Variants in PLEKHB2 observed in about 807,000 individuals in gnomAD.
PLEKHB2 encodes the protein pleckstrin homology domain-containing family B member 2.
In PLEKHB2, 31 loss-of-function variants were observed where a neutral mutation model predicts 36.5. That is an observed-to-expected ratio of 0.85 (90% CI 0.64 to 1.15). The LOEUF (loss-of-function observed/expected upper bound fraction) is 1.15. PLEKHB2 is among the 50% of genes most tolerant of loss of function. The probability of loss-of-function intolerance (pLI) is 0.00; values close to 1 mark genes in which losing one functional copy is unlikely to be tolerated. For synonymous variants in PLEKHB2, 119 were observed against 112.0 expected (o/e 1.06, Z -0.39); for missense variants, 262 against 295.3 (o/e 0.89, Z 0.83).
chr2:131,121,228 A>C (rs975055598), intron 2 of PLEKHB2, among the ~76,000 whole-genome samples: 2 of 152,156 alleles, frequency 1.3e-5, no homozygotes, highest in Non-Finnish European at 2.9e-5. Context: ...CCTCACTAGC[A>C]TGCTTTACTT....
In PLEKHB2 at chr2:131,140,165, A is replaced by G; in HGVS notation, c.424-2A>G. The G allele has an allele frequency of 6.3e-6, 10 of 1,593,162 alleles. No homozygotes were observed. Among genetic ancestry groups the G allele is most frequent in the Non-Finnish European group, 7.7e-6 (9 of 1,165,284 alleles). ...ATTTCTAATGGGCCTGTTTCTTTTC[A>G]GCAGGCTTATGGCTATGGGCCATAC... On this transcript the variant is annotated splice_acceptor_variant, in intron 6 of 7. Transcript: ENST00000693505. LOFTEE classifies it high-confidence loss of function.
At chr2:131,126,583 T>A in intron 3 of PLEKHB2, 101 bp from the exon 4 acceptor site, 1 of 724,984 alleles carries the variant, frequency 1.4e-6, no homozygotes, top group Admixed American at 2.2e-5. Flanking sequence ...ATGTAGCACT[T>A]GATTTATTGT....
chr2:131,113,258 G>A (rs1695512813), intron 1 of PLEKHB2, among the ~76,000 whole-genome samples: 1 of 151,874 alleles, frequency 6.6e-6, no homozygotes, highest in African/African-American at 2.4e-5. Flanking sequence ...ATTTTTGTAT[G>A]GATGAGGTTT....
chr2:131,114,778 T>C (rs1695683654), intron 1 of PLEKHB2, among the ~76,000 whole-genome samples: 1 of 152,220 alleles, frequency 6.6e-6, no homozygotes, highest in Admixed American at 6.5e-5. Context: ...CTGGACCTTA[T>C]TGTCCATATC....
intron 2 of PLEKHB2, among the ~76,000 whole-genome samples, chr2:131,123,564 G>A (rs911413952): frequency 6.6e-6 from 1 of 152,110 alleles, no homozygotes; most frequent in Admixed American, 6.5e-5. Flanking sequence ...TTGCTTTGTC[G>A]CCCAGGCTGG....
chr2:131,113,173 C>G (rs1022945529), intron 1 of PLEKHB2, among the ~76,000 whole-genome samples: 3 of 152,154 alleles, frequency 2.0e-5, no homozygotes, highest in Non-Finnish European at 4.4e-5. Flanking sequence ...ACCTCCCCAT[C>G]CCAGGCTCAA....
chr2:131,130,287 C>G (rs1285609245), intron 4 of PLEKHB2, among the ~76,000 whole-genome samples: 1 of 151,816 alleles, frequency 6.6e-6, no homozygotes, highest in Non-Finnish European at 1.5e-5. Flanking sequence ...CAAGTGATCC[C>G]CCTGCCTTGG....
intron 1 of PLEKHB2, among the ~76,000 whole-genome samples, chr2:131,105,808 GTGTCCCACA>G (rs1459343763): frequency 7.9e-5 from 12 of 152,156 alleles, no homozygotes; most frequent in African/African-American, 2.9e-4. Flanking sequence ...CCGCTCGGGA[GTGTCCCACA>G]TGTCTGACTG....
intron 6 of PLEKHB2, among the ~76,000 whole-genome samples, chr2:131,135,118 C>T (rs1182264654): frequency 6.6e-6 from 1 of 152,024 alleles, no homozygotes; most frequent in Non-Finnish European, 1.5e-5. Context: ...ATTGCCCAGG[C>T]TGGAGTGCAG....
Position 131,125,898 on chromosome 2 carries a change from A to T in PLEKHB2, c.183A>T (p.Glu61Asp). The T allele has an allele frequency of 6.2e-7, 1 of 1,612,584 alleles. No individual in the cohort carries two copies. Among genetic ancestry groups the T allele is most frequent in the Non-Finnish European group, 8.5e-7 (1 of 1,179,606 alleles). Residue 61 changes from glutamate to aspartate, a missense_variant, in exon 3 of 8, where the codon GAA becomes GAT. Glu to Asp is a conservative substitution (Grantham distance 45, BLOSUM62 2). Coordinates refer to ENST00000693505, the MANE Select transcript of PLEKHB2 (RefSeq NM_001100623.2). ...GCATCAACATCCGCACGGGGCAGGA[A>T]TGTCGGGGTAAGCTGGCCTGTCTTG... ...MDCINIRTGQECRDTQPPDGK... is the reference protein window; with the variant it reads ...MDCINIRTGQDCRDTQPPDGK...
intron 6 of PLEKHB2, among the ~76,000 whole-genome samples, chr2:131,137,888 G>A (rs1698421692): frequency 6.6e-6 from 1 of 151,806 alleles, no homozygotes; most frequent in Non-Finnish European, 1.5e-5. Context: ...ATAGGCTTGG[G>A]GTTTTGCTAA....
chr2:131,128,591 A>G (rs919848034), intron 4 of PLEKHB2, among the ~76,000 whole-genome samples: 1 of 152,202 alleles, frequency 6.6e-6, no homozygotes, highest in African/African-American at 2.4e-5. Context: ...TCTGTAACTT[A>G]GAAGGTCTGT....
rs141503597 is a variant in PLEKHB2, at chr2:131,120,694, G to A, written c.-8-240G>A. The A allele has an allele frequency of 2.8e-3, 1,628 of 585,252 alleles. 2 individuals are homozygous for A. Among genetic ancestry groups the A allele is most frequent in the South Asian group, 3.7e-3 (193 of 51,768 alleles). The allele number at this position is 585,252 out of a possible 1,614,324, so 36.3% of individuals were successfully genotyped here. ...ATGTTTGTTGAGTGGTGTTAGACTC[G>A]GTCAGGTGGGCTGGGTGGTGAGGCT... On this transcript the variant is annotated intron_variant, in intron 1 of 7. Transcript: ENST00000693505.
At chr2:131,105,604 C>T (rs983883171) in intron 1 of PLEKHB2, among the ~76,000 whole-genome samples, 2 of 152,124 alleles carry the variant, frequency 1.3e-5, no homozygotes, top group African/African-American at 4.8e-5. Context: ...CCTGACCTTC[C>T]CCAGGTCCGC....
chr2:131,138,511 A>C (rs776020605), intron 6 of PLEKHB2, among the ~76,000 whole-genome samples: 1 of 152,142 alleles, frequency 6.6e-6, no homozygotes, highest in African/African-American at 2.4e-5. Context: ...CTCATGTTTT[A>C]GCAGACCTCC....
chr2:131,120,930 G>A lies in PLEKHB2; in HGVS notation c.-8-4G>A, dbSNP rs749246536. 6 of 1,614,138 alleles carry A rather than the reference G, an allele frequency of 3.7e-6. No individual in the cohort carries two copies. Among genetic ancestry groups the A allele is most frequent in the Non-Finnish European group, 5.1e-6 (6 of 1,179,928 alleles). On this transcript the variant is annotated splice_polypyrimidine_tract_variant and splice_region_variant and intron_variant, in intron 1 of 7. Coordinates refer to ENST00000693505, the MANE Select transcript of PLEKHB2 (RefSeq NM_001100623.2). The stretch of plus-strand genomic sequence containing the variant: ...TTTTGAACCTGCCTGTTTTTGTTCT[G>A]TAGGTGAAGAGATGGCGTTTGTGAA...
At chr2:131,110,996 T>G (rs1180127148) in intron 1 of PLEKHB2, among the ~76,000 whole-genome samples, 1 of 152,152 alleles carries the variant, frequency 6.6e-6, no homozygotes, top group Non-Finnish European at 1.5e-5. Flanking sequence ...TTTATGAAAT[T>G]CTCCTATAAG....
At chr2:131,110,227 C>T (rs1695155216) in intron 1 of PLEKHB2, among the ~76,000 whole-genome samples, 1 of 151,984 alleles carries the variant, frequency 6.6e-6, no homozygotes, top group African/African-American at 2.4e-5. Flanking sequence ...TAAAACTCTT[C>T]AATCCACCAG....
chr2:131,144,423 C>T, intron 7 of PLEKHB2: 1 of 1,228,544 alleles, frequency 8.1e-7, no homozygotes, highest in Non-Finnish European at 1.0e-6. Context: ...ATCCTCATGA[C>T]ACGTCATTGC....
Sources: allele counts gnomAD v4.1 joint callset (sites outside exome capture counted in the v4.1 genomes callset), GRCh38; gene constraint gnomAD v4.1.1; transcripts MANE v1.5; gene names NCBI Gene and HGNC (gene_info 2026-07-23, HGNC 2026-07-21).